Variants in GGA3 observed in about 807,000 individuals in gnomAD.
GGA3 encodes the protein ADP-ribosylation factor-binding protein GGA3.
A neutral mutation model predicts 77.5 loss-of-function variants in GGA3; 57 were observed. The ratio of observed to expected loss-of-function variants is 0.74; its 90% CI spans 0.59 to 0.92. GGA3 has a LOEUF of 0.92. Among genes scored for constraint, GGA3 ranks in the 40% least tolerant of loss-of-function variants. GGA3 has a pLI of 0.00. For missense variants in GGA3, 970 were observed against 914.9 expected, an observed-to-expected ratio of 1.06 and a Z score of -0.78; for synonymous variants, 416 against 383.7, an observed-to-expected ratio of 1.08 and a Z score of -0.98.
intron 1 of GGA3, among the ~76,000 whole-genome samples, chr17:75,254,327 C>T (rs2077069005): frequency 6.6e-6 from 1 of 152,186 alleles, no homozygotes; most frequent in Non-Finnish European, 1.5e-5. Flanking sequence ...CCTGGTCCAG[C>T]TTACAGTTTC....
At chr17:75,255,686 C>T (rs76584247) in intron 1 of GGA3, among the ~76,000 whole-genome samples, 1 of 152,222 alleles carries the variant, frequency 6.6e-6, no homozygotes, top group East Asian at 1.9e-4. Context: ...TAAAACCAGA[C>T]AAGCCTTACA....
chr17:75,255,167 C>A, intron 1 of GGA3, among the ~76,000 whole-genome samples: 1 of 152,164 alleles, frequency 6.6e-6, no homozygotes, highest in Non-Finnish European at 1.5e-5. Context: ...ACCCACTCCA[C>A]ATTACCTTCT....
chr17:75,249,012 C>T, intron 1 of GGA3: 2 of 984,308 alleles, frequency 2.0e-6, no homozygotes, highest in Non-Finnish European at 2.4e-6. Context: ...GTTGTGGCTG[C>T]AAGGGGAAGA....
Position 75,237,522 on chromosome 17 carries a change from A to T in GGA3, c.*757T>A. ...GAGGCACGCTTTTCCCAGAAAGCTGAGTACCTGCTTCTGGAGAAGGGGAAA... is the reference window on the plus strand; with the variant it reads ...GAGGCACGCTTTTCCCAGAAAGCTGTGTACCTGCTTCTGGAGAAGGGGAAA... On this transcript the variant is annotated 3_prime_UTR_variant, in exon 17 of 17. Coordinates refer to ENST00000537686, the MANE Select transcript of GGA3 (RefSeq NM_138619.4). 1 of 1,535,546 alleles carries T rather than the reference A, an allele frequency of 6.5e-7. No individual in the cohort carries two copies. Among genetic ancestry groups the T allele is most frequent in the Middle Eastern group, 1.7e-4 (1 of 5,990 alleles).
Position 75,237,451 on chromosome 17 carries a change from A to T in GGA3, c.*828T>A. 6.5e-7 allele frequency: 1 copy of T among 1,530,154 alleles called. No homozygotes were observed. Among genetic ancestry groups the T allele is most frequent in the Non-Finnish European group, 8.8e-7 (1 of 1,141,444 alleles). 94.8% of individuals were successfully genotyped at this position (1,530,154 alleles called of 1,614,324 possible). On this transcript the variant is annotated 3_prime_UTR_variant, in exon 17 of 17. Transcript: ENST00000537686. ...CAAGGGGAGGATAGCAGTTTATTTC[A>T]TGCCAAGCAAGAGGTAGTCAGTAGG...
intron 12 of GGA3, 24 bp from the exon 13 acceptor site, chr17:75,240,132 G>A (rs2076488797): frequency 7.8e-7 from 1 of 1,287,436 alleles, no homozygotes; most frequent in Non-Finnish European, 1.1e-6. Context: ...AAAGGGTGGT[G>A]AGCCGAGGGC....
In GGA3 at chr17:75,261,545, C is replaced by T. The variant is rs772846538; in HGVS notation, c.40+3G>A. Reference sequence around the variant, plus strand: ...GCAGGCAGAAACGGCCGCGGCTACTCACTGAGCCAGGACTCCAGGCTTTCC... The same window carrying T: ...GCAGGCAGAAACGGCCGCGGCTACTTACTGAGCCAGGACTCCAGGCTTTCC... On this transcript the variant is annotated splice_donor_region_variant and intron_variant, in intron 1 of 16. Transcript: ENST00000537686. The T allele has an allele frequency of 1.3e-6, 2 of 1,534,238 alleles. No individual in the cohort carries two copies. The highest frequency in any genetic ancestry group is 1.8e-6 in the Non-Finnish European group (2 of 1,141,828).
At chr17:75,243,341 C>A (rs1310511887) in intron 5 of GGA3, 106 bp downstream of exon 5, 7 of 1,423,662 alleles carry the variant, frequency 4.9e-6, no homozygotes, top group Admixed American at 1.8e-5. Flanking sequence ...GGGACAAATG[C>A]TGTTCTCTTC....
chr17:75,249,369 G>A (rs563331112), intron 1 of GGA3, among the ~76,000 whole-genome samples: 1 of 152,260 alleles, frequency 6.6e-6, no homozygotes, highest in African/African-American at 2.4e-5. Context: ...AGAAAAAGAA[G>A]GTGTCTGTCT....
intron 5 of GGA3, 63 bp from the exon 6 acceptor site, chr17:75,243,229 C>G: frequency 8.0e-7 from 1 of 1,256,714 alleles, no homozygotes; most frequent in South Asian, 1.3e-5. Flanking sequence ...CCTCCTCATA[C>G]ACCAAGGGCC....
chr17:75,250,257 C>G (rs929941066), intron 1 of GGA3, among the ~76,000 whole-genome samples: 2 of 152,234 alleles, frequency 1.3e-5, no homozygotes, highest in Non-Finnish European at 2.9e-5. Flanking sequence ...ACCGCCCCTC[C>G]GGGCTCTGCT....
intron 1 of GGA3, among the ~76,000 whole-genome samples, chr17:75,248,210 G>A (rs939389493): frequency 6.6e-6 from 1 of 152,150 alleles, no homozygotes; most frequent in Non-Finnish European, 1.5e-5. Flanking sequence ...GGTGGCTCAC[G>A]CCTGTAATCC....
Position 75,261,567 on chromosome 17 carries a change from T to A in GGA3, c.21A>T (p.Glu7Asp). The A allele has an allele frequency of 6.4e-7, 1 of 1,554,754 alleles. No individual in the cohort carries two copies. Among genetic ancestry groups the A allele is most frequent in the Admixed American group, 2.0e-5 (1 of 49,928 alleles). MAEAEG[E>D]SLESWLNKAT... ...ACTCACTGAGCCAGGACTCCAGGCTTTCCCCTTCCGCCTCCGCCATATTGC... is the reference window on the plus strand; with the variant it reads ...ACTCACTGAGCCAGGACTCCAGGCTATCCCCTTCCGCCTCCGCCATATTGC... Residue 7 changes from glutamate (E) to aspartate (D), a missense_variant, in exon 1 of 17, where the codon GAA becomes GAT. Transcript: ENST00000537686.
intron 3 of GGA3, 117 bp downstream of exon 3, chr17:75,246,392 A>G (rs2076758251): frequency 1.4e-6 from 1 of 704,372 alleles, no homozygotes; most frequent in East Asian, 2.6e-5. Flanking sequence ...TCTAGTCTGT[A>G]TCAAGGACTT....
At chr17:75,242,296 C>G (rs763973390) in intron 8 of GGA3, 40 bp downstream of exon 8, 1 of 1,611,358 alleles carries the variant, frequency 6.2e-7, no homozygotes, top group Non-Finnish European at 8.5e-7. Flanking sequence ...TGAAGGGCAG[C>G]GCAGCCCCGG....
intron 1 of GGA3, among the ~76,000 whole-genome samples, chr17:75,259,523 G>A (rs1355491595): frequency 2.0e-5 from 3 of 152,114 alleles, no homozygotes; most frequent in African/African-American, 7.2e-5. Context: ...GCAGGAAAAC[G>A]TAGAAGCCAC....
rs772932899 is a variant in GGA3 at position 75,239,442 on chromosome 17, G to A, written c.1713C>T (p.Gly571=). 6.3e-7 allele frequency: 1 copy of A among 1,580,328 alleles called. No individual in the cohort carries two copies. Among genetic ancestry groups the A allele is most frequent in the South Asian group, 1.2e-5 (1 of 85,974 alleles). Residue 571 remains glycine (G), a synonymous_variant, in exon 14 of 17, where the codon GGC becomes GGT. Transcript: ENST00000537686. The part of the protein sequence containing the change: ...LFQPLSFQSQ[G]SPPKGPELSL... ...AGAGCTCAGGCCCCTTCGGGGGGCTGCCCTGGGACTGGAAACTCAGTGGCT... is the reference window on the plus strand; with the variant it reads ...AGAGCTCAGGCCCCTTCGGGGGGCTACCCTGGGACTGGAAACTCAGTGGCT...
At position 75,246,604 on chromosome 17, in the gene GGA3, C is replaced by CA; in HGVS notation, c.126-21dup. 2 of 1,608,502 alleles carry CA rather than the reference C, an allele frequency of 1.2e-6. No individual in the cohort carries two copies. Among genetic ancestry groups the CA allele is most frequent in the Non-Finnish European group, 1.7e-6 (2 of 1,174,918 alleles). ...TGTGGCCTGGGGGACAAGCAGAACA[C>CA]ACTCCAGTGCACTAAGCCTGGGGCT... is the stretch of plus-strand genomic sequence containing the variant. On this transcript the variant is annotated intron_variant, in intron 2 of 16. Transcript: ENST00000537686.
chr17:75,243,947 AC>A (rs2076664140), intron 4 of GGA3, among the ~76,000 whole-genome samples: 1 of 152,096 alleles, frequency 6.6e-6, no homozygotes, highest in East Asian at 1.9e-4. Flanking sequence ...CCTGAGTCTG[AC>A]ACCAGAGACC....
Sources: allele counts gnomAD v4.1 joint callset (sites outside exome capture counted in the v4.1 genomes callset), GRCh38; gene constraint gnomAD v4.1.1; transcripts MANE v1.5; gene names NCBI Gene and HGNC (gene_info 2026-07-23, HGNC 2026-07-21).